The following ROBO2 variants were observed in gnomAD, a reference collection of about 807,000 sequenced individuals.
The protein encoded by ROBO2 is roundabout guidance receptor 2.
Under a neutral mutation model 160.8 loss-of-function variants are expected in ROBO2, and 53 were observed. The observed-to-expected ratio is 0.33, with a 90% CI of 0.26 to 0.41. The LOEUF (loss-of-function observed/expected upper bound fraction) is 0.41, where lower values mean the gene tolerates loss of function less well. Ranked by LOEUF, ROBO2 falls within the 10% of genes least tolerant of loss-of-function variation. ROBO2 has a pLI of 1.00. For missense variants in ROBO2, 1,577 were observed against 1,722.4 expected (o/e 0.92, Z 1.49); for synonymous variants, 664 against 611.7 (o/e 1.09, Z -1.26).
chr3:76,545,244 T>C (rs1348583763), intron 2 of ROBO2, among the ~76,000 whole-genome samples: 1 of 151,944 alleles, frequency 6.6e-6, no homozygotes, highest in Non-Finnish European at 1.5e-5. Context: ...CATTCCGAAA[T>C]GCATGTGATT....
chr3:77,482,069 AC>A (rs2084763480), intron 4 of ROBO2, among the ~76,000 whole-genome samples: 1 of 152,170 alleles, frequency 6.6e-6, no homozygotes, highest in South Asian at 2.1e-4. Context: ...ACATTTATAG[AC>A]CCACACATGC....
intron 2 of ROBO2, among the ~76,000 whole-genome samples, chr3:75,997,640 C>T (rs1232253962): frequency 3.3e-5 from 5 of 151,920 alleles, no homozygotes; most frequent in African/African-American, 7.2e-5. Context: ...TACAGGCGCC[C>T]GCCACCATGC....
At chr3:76,543,923 C>T (rs1275926476) in intron 2 of ROBO2, among the ~76,000 whole-genome samples, 1 of 151,948 alleles carries the variant, frequency 6.6e-6, no homozygotes, top group Non-Finnish European at 1.5e-5. Flanking sequence ...GCTCCTCAGT[C>T]GATCTTCAGG....
intron 2 of ROBO2, among the ~76,000 whole-genome samples, chr3:77,324,290 T>C (rs956254413): frequency 2.0e-5 from 3 of 152,154 alleles, no homozygotes; most frequent in African/African-American, 7.2e-5. Flanking sequence ...TACAGCACTG[T>C]GAGAATGAAG....
chr3:76,468,038 G>T (rs1330105218), intron 2 of ROBO2, among the ~76,000 whole-genome samples: 1 of 152,056 alleles, frequency 6.6e-6, no homozygotes, highest in Non-Finnish European at 1.5e-5. Context: ...GATAGAAATT[G>T]TCATTTACAA....
intron 2 of ROBO2, among the ~76,000 whole-genome samples, chr3:77,008,593 G>A (rs2061706032): frequency 6.6e-6 from 1 of 152,098 alleles, no homozygotes; most frequent in South Asian, 2.1e-4. Flanking sequence ...GAAGGAGAAA[G>A]AATAGATTCC....
At chr3:77,367,933 T>C (rs541362304) in intron 2 of ROBO2, among the ~76,000 whole-genome samples, 14 of 152,098 alleles carry the variant, frequency 9.2e-5, no homozygotes, top group Admixed American at 2.6e-4. Context: ...AGTTTCGTTT[T>C]ATGGAAAACT....
At chr3:77,437,125 A>T (rs2079374738) in intron 2 of ROBO2, among the ~76,000 whole-genome samples, 1 of 152,016 alleles carries the variant, frequency 6.6e-6, no homozygotes, top group Admixed American at 6.6e-5. Context: ...CTGACAAAGG[A>T]TGACAGATTT....
intron 2 of ROBO2, among the ~76,000 whole-genome samples, chr3:76,504,519 C>CTTTTTTTT (rs57591523): frequency 1.4e-5 from 1 of 73,520 alleles, no homozygotes; most frequent in East Asian, 4.7e-4. Context: ...AGAAAATACT[C>CTTTTTTTT]TTTTTTTTTT....
intron 2 of ROBO2, among the ~76,000 whole-genome samples, chr3:76,104,725 T>G (rs1427856237): frequency 1.3e-5 from 2 of 152,182 alleles, no homozygotes; most frequent in African/African-American, 2.4e-5. Context: ...AATTTCCTTT[T>G]AAAACATTTC....
At chr3:76,235,465 C>A (rs916792618) in intron 2 of ROBO2, among the ~76,000 whole-genome samples, 1 of 152,120 alleles carries the variant, frequency 6.6e-6, no homozygotes, top group Non-Finnish European at 1.5e-5. Flanking sequence ...TCTACGACTG[C>A]GGAGAATACA....
intron 13 of ROBO2, among the ~76,000 whole-genome samples, chr3:77,573,302 A>G (rs2093682402): frequency 6.6e-6 from 1 of 152,014 alleles, no homozygotes; most frequent in Non-Finnish European, 1.5e-5. Flanking sequence ...AAACCCTGGT[A>G]AATATTTTAA....
intron 2 of ROBO2, among the ~76,000 whole-genome samples, chr3:77,139,003 T>C (rs1202898916): frequency 2.6e-5 from 4 of 152,156 alleles, no homozygotes; most frequent in Admixed American, 6.6e-5. Context: ...TTTTTAAAAG[T>C]ATTTGTGTTG....
chr3:77,312,597 G>A (rs2063642986), intron 2 of ROBO2, among the ~76,000 whole-genome samples: 1 of 152,178 alleles, frequency 6.6e-6, no homozygotes, highest in South Asian at 2.1e-4. Flanking sequence ...ATATTTTTGA[G>A]TGAGTGTGAC....
chr3:76,804,169 G>C (rs1303292178), intron 2 of ROBO2, among the ~76,000 whole-genome samples: 1 of 152,162 alleles, frequency 6.6e-6, no homozygotes, highest in South Asian at 2.1e-4. Context: ...AACGATGAAT[G>C]CTAAGGGGTT....
At chr3:76,927,948 A>G (rs936074293) in intron 2 of ROBO2, among the ~76,000 whole-genome samples, 3 of 152,188 alleles carry the variant, frequency 2.0e-5, no homozygotes, top group Non-Finnish European at 2.9e-5. Context: ...AGAAAAAATA[A>G]TATTTTATCC....
chr3:76,687,930 C>G (rs1192595991), intron 2 of ROBO2, among the ~76,000 whole-genome samples: 4 of 151,968 alleles, frequency 2.6e-5, no homozygotes, highest in Non-Finnish European at 4.4e-5. Flanking sequence ...GCATATTTAA[C>G]TATGGGTTTG....
At chr3:77,601,566 A>G (rs918717148) in intron 19 of ROBO2, among the ~76,000 whole-genome samples, 1 of 152,206 alleles carries the variant, frequency 6.6e-6, no homozygotes. Context: ...TTGATAGCAT[A>G]AATTAAACTC....
At chr3:77,317,246 C>T in intron 2 of ROBO2, 1 of 776,774 alleles carries the variant, frequency 1.3e-6, no homozygotes, top group Non-Finnish European at 2.3e-6. Context: ...TTAATGTGCT[C>T]CCACTTGCAC....
Sources: allele counts gnomAD v4.1 joint callset (sites outside exome capture counted in the v4.1 genomes callset), GRCh38; gene constraint gnomAD v4.1.1; transcripts MANE v1.5; gene names NCBI Gene and HGNC (gene_info 2026-07-23, HGNC 2026-07-21).